CRYL1: variants seen among roughly 807,000 people sequenced by gnomAD.
CRYL1 encodes crystallin lambda 1, also known as lambda-crystallin homolog.
CRYL1 carries 29 observed loss-of-function variants against 36.6 expected under a neutral mutation model. The ratio of observed to expected loss-of-function variants is 0.79; its 90% CI spans 0.59 to 1.08. CRYL1 has a LOEUF of 1.08. CRYL1 is among the 50% of genes least tolerant of loss of function. The pLI, the probability that CRYL1 is intolerant of heterozygous loss-of-function variation, is 0.00. For missense variants in CRYL1, 411 were observed against 407.9 expected (o/e 1.01, Z -0.06); for synonymous variants, 152 against 151.5 (o/e 1.00, Z -0.02).
chr13:20,430,591 G>T, intron 5 of CRYL1: 1 of 985,352 alleles, frequency 1.0e-6, no homozygotes, highest in Non-Finnish European at 1.2e-6. Context: ...AAACACCAGA[G>T]TCCTCCATGG....
At chr13:20,463,618 G>A (rs1350425356) in intron 3 of CRYL1, among the ~76,000 whole-genome samples, 2 of 152,078 alleles carry the variant, frequency 1.3e-5, no homozygotes, top group Admixed American at 6.5e-5. Context: ...TTTCTAAATT[G>A]AGAGCCTCTT....
At position 20,439,543 on chromosome 13, in the gene CRYL1, A is replaced by C. The variant is rs76651800; in HGVS notation, c.438+50T>G. 9.1e-4 allele frequency: 1,261 copies of C among 1,383,638 alleles called. 7 individuals are homozygous for C. In the Middle Eastern group the frequency reaches 0.012, roughly 13 times the overall value. 85.7% of individuals were successfully genotyped at this position (1,383,638 alleles called of 1,614,324 possible). On this transcript the variant is annotated intron_variant, in intron 4 of 7. Coordinates refer to ENST00000298248, the MANE Select transcript of CRYL1 (RefSeq NM_015974.3). Reference sequence around the variant, plus strand: ...AAAAAAAAAAAAAGAAAAAAAAAAAACACAGAATGAGATGAGATACAATCA... The same window carrying C: ...AAAAAAAAAAAAAGAAAAAAAAAAACCACAGAATGAGATGAGATACAATCA...
chr13:20,404,844 T>G (rs2031324378), intron 6 of CRYL1, 103 bp from the exon 7 acceptor site: 1 of 782,222 alleles, frequency 1.3e-6, no homozygotes, highest in South Asian at 1.6e-5. Context: ...TGGGGTCAGA[T>G]AAGCTACACT....
intron 7 of CRYL1, 135 bp downstream of exon 7, chr13:20,404,500 A>T: frequency 1.5e-6 from 1 of 675,752 alleles, no homozygotes; most frequent in Non-Finnish European, 2.6e-6. Context: ...CAAAGTTATG[A>T]ATGAGGAACC....
chr13:20,411,698 G>T (rs1246258605), intron 6 of CRYL1, among the ~76,000 whole-genome samples: 1 of 152,150 alleles, frequency 6.6e-6, no homozygotes, highest in Non-Finnish European at 1.5e-5. Flanking sequence ...GAAAACTCTT[G>T]TTTCACTGCA....
At chr13:20,408,278 C>T (rs2031429799) in intron 6 of CRYL1, among the ~76,000 whole-genome samples, 1 of 152,134 alleles carries the variant, frequency 6.6e-6, no homozygotes, top group African/African-American at 2.4e-5. Flanking sequence ...CAAATAATTG[C>T]TTCCCATCAA....
At chr13:20,408,922 G>T (rs553610986) in intron 6 of CRYL1, among the ~76,000 whole-genome samples, 7 of 152,252 alleles carry the variant, frequency 4.6e-5, no homozygotes, top group Non-Finnish European at 7.3e-5. Flanking sequence ...TGGCCACACT[G>T]CCCAAGGTAA....
At chr13:20,486,754 T>C (rs141100781) in intron 3 of CRYL1, among the ~76,000 whole-genome samples, 246 of 152,302 alleles carry the variant, frequency 1.6e-3, no homozygotes, top group East Asian at 6.7e-3. Flanking sequence ...AAAATAAAGA[T>C]AGACTGTAGT....
intron 1 of CRYL1, among the ~76,000 whole-genome samples, chr13:20,518,125 A>G (rs762364716): frequency 6.6e-6 from 1 of 151,926 alleles, no homozygotes; most frequent in Admixed American, 6.6e-5. Flanking sequence ...GGCTCTTGCC[A>G]TGGGGTTAAT....
chr13:20,431,060 C>G, intron 5 of CRYL1: 1 of 985,448 alleles, frequency 1.0e-6, no homozygotes, highest in Non-Finnish European at 1.2e-6. Flanking sequence ...ACCCGGCAGT[C>G]CAGTCAGACA....
At chr13:20,463,779 A>G (rs148751697) in intron 3 of CRYL1, among the ~76,000 whole-genome samples, 15 of 152,366 alleles carry the variant, frequency 9.8e-5, no homozygotes, top group African/African-American at 3.6e-4. Flanking sequence ...TGAAAACTCA[A>G]TACATTTAGA....
intron 3 of CRYL1, among the ~76,000 whole-genome samples, chr13:20,440,591 A>C (rs759287385): frequency 1.3e-5 from 2 of 152,244 alleles, no homozygotes; most frequent in Admixed American, 6.5e-5. Context: ...CACCCCAGGC[A>C]AACTGTTAAA....
intron 3 of CRYL1, among the ~76,000 whole-genome samples, chr13:20,440,386 A>C (rs1242526995): frequency 6.6e-6 from 1 of 152,224 alleles, no homozygotes; most frequent in African/African-American, 2.4e-5. Context: ...TACAAAAACC[A>C]CCAGCAAGAT....
intron 3 of CRYL1, among the ~76,000 whole-genome samples, chr13:20,446,888 G>C (rs1435614516): frequency 1.3e-5 from 2 of 152,100 alleles, no homozygotes; most frequent in East Asian, 3.8e-4. Context: ...CTTCATTGTG[G>C]CTACTAAGAA....
intron 3 of CRYL1, among the ~76,000 whole-genome samples, chr13:20,487,146 G>A (rs2033416016): frequency 6.6e-6 from 1 of 152,082 alleles, no homozygotes; most frequent in African/African-American, 2.4e-5. Context: ...GGGATGGGGA[G>A]ACAAAGAAAT....
At chr13:20,495,065 C>T (rs1051620062) in intron 2 of CRYL1, among the ~76,000 whole-genome samples, 1 of 152,246 alleles carries the variant, frequency 6.6e-6, no homozygotes, top group Non-Finnish European at 1.5e-5. Flanking sequence ...AATCCACATG[C>T]CACAAATCAA....
intron 1 of CRYL1, among the ~76,000 whole-genome samples, chr13:20,522,401 AT>A (rs2034111579): frequency 6.6e-6 from 1 of 152,124 alleles, no homozygotes; most frequent in Non-Finnish European, 1.5e-5. Context: ...ATTAAAAAAA[AT>A]GAAGGAGACT....
At chr13:20,488,776 G>A (rs181831328) in intron 3 of CRYL1, among the ~76,000 whole-genome samples, 5 of 152,364 alleles carry the variant, frequency 3.3e-5, no homozygotes, top group East Asian at 3.9e-4. Context: ...GGGCCTGTGC[G>A]TGGGCACAGG....
At chr13:20,430,370 G>A in intron 5 of CRYL1, 1 of 985,362 alleles carries the variant, frequency 1.0e-6, no homozygotes, top group Non-Finnish European at 1.2e-6. Context: ...AGCCAACACA[G>A]AGACATATGC....
Sources: allele counts gnomAD v4.1 joint callset (sites outside exome capture counted in the v4.1 genomes callset), GRCh38; gene constraint gnomAD v4.1.1; transcripts MANE v1.5; gene names NCBI Gene and HGNC (gene_info 2026-07-23, HGNC 2026-07-21).